Variants in CORO7 observed in about 807,000 individuals in gnomAD.
CORO7 encodes coronin 7, also known as coronin-7.
In CORO7, 107 loss-of-function variants were observed where a neutral mutation model predicts 126.6. The observed-to-expected ratio is 0.85, with a 90% CI of 0.72 to 0.99. The LOEUF is 0.99. Among genes scored for constraint, CORO7 ranks in the 50% least tolerant of loss-of-function variants. The pLI is 0.00. For missense variants in CORO7, 1,314 were observed against 1,255.8 expected (o/e 1.05, Z -0.70); for synonymous variants, 603 against 536.8 (o/e 1.12, Z -1.70).
chr16:4,360,903 C>T (rs1771585743), intron 19 of CORO7, 40 bp downstream of exon 19: 3 of 1,590,602 alleles, frequency 1.9e-6, no homozygotes, highest in Middle Eastern at 1.8e-4. Flanking sequence ...GCTGGCCCCG[C>T]CTCTCCACAC....
chr16:4,393,523 A>G (rs1192655414), intron 7 of CORO7, among the ~76,000 whole-genome samples: 2 of 152,176 alleles, frequency 1.3e-5, no homozygotes, highest in Non-Finnish European at 2.9e-5. Flanking sequence ...AACTGACTGT[A>G]CCGTTTGGAC....
chr16:4,381,705 G>A lies in CORO7; in HGVS notation c.785+6281C>T. On this transcript the variant is annotated intron_variant, in intron 9 of 27. Transcript: ENST00000251166. ...AGCTGGATGTGAGCAACCTAAGCCTGCAGGCCCTGCCTGGCGACCTCTCGG... is the reference window on the plus strand; with the variant it reads ...AGCTGGATGTGAGCAACCTAAGCCTACAGGCCCTGCCTGGCGACCTCTCGG... 6 of 1,607,616 alleles carry A rather than the reference G, an allele frequency of 3.7e-6. No individual in the cohort carries two copies. In the Admixed American group the frequency reaches 5.0e-5, roughly 13 times the overall value.
At chr16:4,399,838 CT>C (rs1486056712) in intron 6 of CORO7, among the ~76,000 whole-genome samples, 4 of 149,850 alleles carry the variant, frequency 2.7e-5, no homozygotes, top group African/African-American at 9.8e-5. Context: ...CTGCAGCAAG[CT>C]AAAAAAAAAA....
chr16:4,368,865 C>G (rs2054430159), intron 9 of CORO7, among the ~76,000 whole-genome samples: 1 of 152,152 alleles, frequency 6.6e-6, no homozygotes, highest in Non-Finnish European at 1.5e-5. Flanking sequence ...ATCACACTGG[C>G]TGCTGGGGGC....
chr16:4,398,720 A>G (rs1192741576), intron 6 of CORO7, among the ~76,000 whole-genome samples: 1 of 152,026 alleles, frequency 6.6e-6, no homozygotes, highest in Non-Finnish European at 1.5e-5. Context: ...CTGTAATCCC[A>G]GCACTTGGGG....
chr16:4,366,123 T>G (rs1468183753), intron 9 of CORO7, among the ~76,000 whole-genome samples: 2 of 152,150 alleles, frequency 1.3e-5, no homozygotes, highest in Non-Finnish European at 2.9e-5. Flanking sequence ...AAAGTTCCTG[T>G]GTCCAAATCT....
At chr16:4,408,419 C>A (rs1016791376) in intron 3 of CORO7, among the ~76,000 whole-genome samples, 168 bp from the exon 4 acceptor site, 1 of 152,198 alleles carries the variant, frequency 6.6e-6, no homozygotes, top group African/African-American at 2.4e-5. Flanking sequence ...GCCCCTCCTG[C>A]GACATACGTC....
At chr16:4,382,585 C>G in intron 9 of CORO7, 1 of 1,587,434 alleles carries the variant, frequency 6.3e-7, no homozygotes, top group Non-Finnish European at 8.6e-7. Context: ...CACCCAGGCC[C>G]GCGAGGGCAA....
intron 16 of CORO7, 55 bp from the exon 17 acceptor site, chr16:4,361,524 C>G: frequency 6.3e-7 from 1 of 1,584,866 alleles, no homozygotes; most frequent in Non-Finnish European, 8.6e-7. Flanking sequence ...AAAAGCCAGT[C>G]CCCAGGGGCT....
In CORO7 at chr16:4,358,483, C is replaced by T. The variant is rs749767185; in HGVS notation, c.2341G>A (p.Gly781Ser). Residue 781 changes from glycine (G) to serine (S), a missense_variant and splice_region_variant, in exon 24 of 28, where the codon GGC becomes AGC. Transcript: ENST00000251166. ...NSFTSPDPHKGLVLLPKTECD... is the reference protein window; with the variant it reads ...NSFTSPDPHKSLVLLPKTECD... ...TCCGTCTTAGGCAGGAGGACGAGGC[C>T]CTGGGGGAGCAAGGGAGTCGGAGCT... 3.1e-6 allele frequency: 5 copies of T among 1,590,458 alleles called. No homozygotes were observed. Among genetic ancestry groups the T allele is most frequent in the African/African-American group, 1.3e-5 (1 of 74,496 alleles).
intron 2 of CORO7, 151 bp downstream of exon 2, chr16:4,413,157 A>G (rs2056275785): frequency 5.5e-6 from 4 of 732,732 alleles, no homozygotes; most frequent in Middle Eastern, 3.9e-4. Flanking sequence ...GTGGGGGTCT[A>G]AGGTCTGGCA....
chr16:4,369,704 C>T (rs1207395884), intron 9 of CORO7, among the ~76,000 whole-genome samples: 2 of 152,214 alleles, frequency 1.3e-5, no homozygotes, highest in Non-Finnish European at 2.9e-5. Context: ...TCTGTCCTCC[C>T]CTCCAGCCCA....
chr16:4,410,034 C>T (rs1256203742), intron 3 of CORO7, among the ~76,000 whole-genome samples: 1 of 152,180 alleles, frequency 6.6e-6, no homozygotes, highest in Admixed American at 6.5e-5. Context: ...GGACCCTGGT[C>T]CAGCTTCTAC....
At chr16:4,378,733 C>G (rs984783652) in intron 9 of CORO7, among the ~76,000 whole-genome samples, 4 of 152,068 alleles carry the variant, frequency 2.6e-5, no homozygotes, top group African/African-American at 9.7e-5. Context: ...CAGACCTGAG[C>G]TAAGTGGGCC....
At chr16:4,403,460 G>A (rs986258321) in intron 6 of CORO7, among the ~76,000 whole-genome samples, 56 of 152,154 alleles carry the variant, frequency 3.7e-4, no homozygotes, top group African/African-American at 1.3e-3. Context: ...CTAGGTCCAG[G>A]AACCAGGGAA....
At chr16:4,359,683 G>A (rs938252790) in intron 21 of CORO7, 62 bp from the exon 22 acceptor site, 22 of 1,532,156 alleles carry the variant, frequency 1.4e-5, no homozygotes, top group Non-Finnish European at 1.8e-5. Flanking sequence ...GGGGCAGGGA[G>A]AAGGCGCCCA....
chr16:4,377,425 C>T (rs1358542836), intron 9 of CORO7, among the ~76,000 whole-genome samples: 1 of 152,190 alleles, frequency 6.6e-6, no homozygotes, highest in Non-Finnish European at 1.5e-5. Context: ...ACACCAAGCA[C>T]ACGCCCAGAC....
chr16:4,379,295 T>C (rs1395208776), intron 9 of CORO7, among the ~76,000 whole-genome samples: 1 of 152,022 alleles, frequency 6.6e-6, no homozygotes, highest in East Asian at 1.9e-4. Flanking sequence ...CGTATGAGGC[T>C]CAGGGACTTC....
intron 9 of CORO7, among the ~76,000 whole-genome samples, chr16:4,374,122 C>T (rs1280167185): frequency 6.7e-6 from 1 of 148,600 alleles, no homozygotes; most frequent in Non-Finnish European, 1.5e-5. Flanking sequence ...GGAGCACTGC[C>T]CAGTGGGCGT....
Sources: gnomAD v4.1 joint callset for allele counts (sites outside exome capture counted in the v4.1 genomes callset) on GRCh38, gnomAD v4.1.1 for gene constraint, MANE v1.5 for transcripts, NCBI Gene and HGNC (gene_info 2026-07-23, HGNC 2026-07-21) for gene names.